R3HDM1: variants seen among roughly 807,000 people sequenced by gnomAD.
R3HDM1 encodes R3H domain containing 1.
R3HDM1 carries 46 observed loss-of-function variants against 141.1 expected under a neutral mutation model. The observed-to-expected ratio is 0.33, with a 90% confidence interval of 0.26 to 0.42. R3HDM1 has a LOEUF of 0.42. Among genes scored for constraint, R3HDM1 ranks in the 10% least tolerant of loss-of-function variants. R3HDM1 has a pLI of 1.00. For synonymous variants in R3HDM1, 435 were observed against 472.9 expected (o/e 0.92, Z 1.04); for missense variants, 1,184 against 1,368.3 (o/e 0.87, Z 2.12).
At chr2:135,714,398 C>G (rs1161095248) in intron 23 of R3HDM1, among the ~76,000 whole-genome samples, 4 of 152,060 alleles carry the variant, frequency 2.6e-5, no homozygotes, top group African/African-American at 4.8e-5. Flanking sequence ...TCAGAAATGT[C>G]AAAGTCATGA....
intron 3 of R3HDM1, among the ~76,000 whole-genome samples, chr2:135,614,700 C>T (rs1365305341): frequency 6.6e-6 from 1 of 152,164 alleles, no homozygotes; most frequent in East Asian, 1.9e-4. Flanking sequence ...CTTAAAATTA[C>T]AAGAGATTAA....
intron 1 of R3HDM1, among the ~76,000 whole-genome samples, chr2:135,557,376 T>G (rs1700986651): frequency 6.6e-6 from 1 of 152,214 alleles, no homozygotes; most frequent in South Asian, 2.1e-4. Flanking sequence ...ATTATTCTAC[T>G]CCTGCACTTT....
chr2:135,579,186 G>A (rs1419104244), intron 1 of R3HDM1, among the ~76,000 whole-genome samples: 2 of 152,084 alleles, frequency 1.3e-5, no homozygotes, highest in South Asian at 2.1e-4. Context: ...ATCACGTGGC[G>A]CCAGAAAGTA....
At chr2:135,720,282 A>G (rs1180701144) in intron 24 of R3HDM1, among the ~76,000 whole-genome samples, 2 of 152,234 alleles carry the variant, frequency 1.3e-5, no homozygotes, top group Non-Finnish European at 2.9e-5. Flanking sequence ...GGAGCTGCCC[A>G]GGCATCTTCA....
At chr2:135,657,906 A>G (rs1459055351) in intron 18 of R3HDM1, among the ~76,000 whole-genome samples, 1 of 152,140 alleles carries the variant, frequency 6.6e-6, no homozygotes, top group Non-Finnish European at 1.5e-5. Context: ...TGATAGAGAT[A>G]CATTCTGAGA....
chr2:135,631,792 T>G lies in R3HDM1; in HGVS notation c.557+15T>G. The G allele has an allele frequency of 6.4e-7, 1 of 1,566,876 alleles. No homozygotes were observed. Among genetic ancestry groups the G allele is most frequent in the Non-Finnish European group, 8.6e-7 (1 of 1,158,524 alleles). Reference sequence around the variant, plus strand: ...GGTAATAATGAGTAAGTCCTGACATTCAACAAGAAAAGAAATTGTCATCAC... The same window carrying G: ...GGTAATAATGAGTAAGTCCTGACATGCAACAAGAAAAGAAATTGTCATCAC... On this transcript the variant is annotated intron_variant, in intron 8 of 26. Transcript: ENST00000683871.
At chr2:135,686,156 A>C (rs1346090635) in intron 21 of R3HDM1, among the ~76,000 whole-genome samples, 1 of 152,230 alleles carries the variant, frequency 6.6e-6, no homozygotes, top group Non-Finnish European at 1.5e-5. Flanking sequence ...GTTATCAAAA[A>C]AATCAAAAGC....
intron 17 of R3HDM1, chr2:135,651,179 C>A (rs1391332804): frequency 8.1e-6 from 8 of 984,794 alleles, no homozygotes; most frequent in Non-Finnish European, 9.6e-6. Flanking sequence ...AATGTATGGC[C>A]AAATTATTTT....
chr2:135,537,667 T>G (rs1048598894), intron 1 of R3HDM1, among the ~76,000 whole-genome samples: 4 of 130,854 alleles, frequency 3.1e-5, no homozygotes, highest in Admixed American at 2.3e-4. Context: ...TTTTATTTTA[T>G]TTTATTTTAC....
intron 1 of R3HDM1, among the ~76,000 whole-genome samples, chr2:135,548,222 T>G (rs529097696): frequency 6.6e-6 from 1 of 152,356 alleles, no homozygotes; most frequent in African/African-American, 2.4e-5. Context: ...TCATTTTATT[T>G]TGAAATTTTC....
rs2075380095 is a variant in R3HDM1, at chr2:135,709,530, T to G, written c.2557T>G (p.Cys853Gly). The G allele has an allele frequency of 6.2e-7, 1 of 1,613,920 alleles. No individual in the cohort carries two copies. Among genetic ancestry groups the G allele is most frequent in the African/African-American group, 1.3e-5 (1 of 74,932 alleles). ...CSSQQLQGHQCTAGPPPPPGG... is the reference protein window; with the variant it reads ...CSSQQLQGHQGTAGPPPPPGG... Reference sequence around the variant, plus strand: ...TTCCCAGCAGCTTCAAGGCCACCAATGTACAGGTATAAAGAAATCAGTGAA... The same window carrying G: ...TTCCCAGCAGCTTCAAGGCCACCAAGGTACAGGTATAAAGAAATCAGTGAA... The change falls in exon 22 of 27, where the codon TGT becomes GGT. Residue 853 changes from cysteine to glycine, a missense_variant. Around this residue, in one of 5 missense-constraint regions of R3HDM1, gnomAD observed 563 missense variants for 562.0 expected, o/e 1.00. Coordinates refer to ENST00000683871, the MANE Select transcript of R3HDM1 (RefSeq NM_001378107.1).
intron 1 of R3HDM1, among the ~76,000 whole-genome samples, chr2:135,569,928 A>G (rs773147040): frequency 6.6e-6 from 1 of 151,930 alleles, no homozygotes; most frequent in African/African-American, 2.4e-5. Flanking sequence ...GGGTTTCAAC[A>G]TGTTAGCCAG....
intron 1 of R3HDM1, among the ~76,000 whole-genome samples, chr2:135,553,035 C>T (rs1002683658): frequency 6.6e-6 from 1 of 152,072 alleles, no homozygotes; most frequent in Non-Finnish European, 1.5e-5. Flanking sequence ...TGTGCCACCG[C>T]ATCCAGTTAA....
At chr2:135,630,298 A>AC (rs1559291382) in intron 7 of R3HDM1, among the ~76,000 whole-genome samples, 2 of 145,566 alleles carry the variant, frequency 1.4e-5, no homozygotes, top group Non-Finnish European at 3.0e-5. Context: ...AAAAAAAAAA[A>AC]AAAAAAAAAA....
At chr2:135,666,673 TG>T (rs2067546709) in intron 19 of R3HDM1, among the ~76,000 whole-genome samples, 1 of 152,134 alleles carries the variant, frequency 6.6e-6, no homozygotes, top group African/African-American at 2.4e-5. Flanking sequence ...TTTTTGTATA[TG>T]TATATGTTTA....
rs149874194 is a variant in R3HDM1 at position 135,641,747 on chromosome 2, G to A, written c.1431G>A (p.Ala477=). The A allele has an allele frequency of 2.8e-5, 45 of 1,614,052 alleles. No individual in the cohort carries two copies. The African/African-American group carries it at 2.8e-4, about 10-fold the overall frequency. ...STSFFLLPLE[A]AGIPPGSILI... ...GCTTCTTTTTGCTTCCCTTGGAAGC[G>A]GCAGGCATACCACCTGGCAGTATTC... Residue 477 remains alanine, a synonymous_variant, in exon 15 of 27, where the codon GCG becomes GCA. Transcript: ENST00000683871.
intron 1 of R3HDM1, chr2:135,550,296 A>G: frequency 1.1e-6 from 1 of 912,368 alleles, no homozygotes; most frequent in Non-Finnish European, 1.3e-6. Context: ...GATATATGGA[A>G]ATTTCTTTAT....
At chr2:135,663,598 G>T (rs1403512132) in intron 19 of R3HDM1, among the ~76,000 whole-genome samples, 1 of 152,204 alleles carries the variant, frequency 6.6e-6, no homozygotes, top group Non-Finnish European at 1.5e-5. Context: ...GAAAAGTTCA[G>T]CAGGGCCAGT....
At chr2:135,693,862 G>T (rs7574366) in intron 21 of R3HDM1, among the ~76,000 whole-genome samples, 2 of 151,792 alleles carry the variant, frequency 1.3e-5, no homozygotes, top group Non-Finnish European at 2.9e-5. Flanking sequence ...AGAATTAGCC[G>T]GGCTTGGTGG....
Sources: allele counts gnomAD v4.1 joint callset (sites outside exome capture counted in the v4.1 genomes callset), GRCh38; gene constraint gnomAD v4.1.1; regional missense constraint gnomAD v4.1.1; transcripts MANE v1.5; gene names NCBI Gene and HGNC (gene_info 2026-07-23, HGNC 2026-07-21).